PWWP3A: variants seen among roughly 807,000 people sequenced by gnomAD.
PWWP3A encodes PWWP domain containing 3A, DNA repair factor.
PWWP3A carries 53 observed loss-of-function variants against 79.0 expected under a neutral mutation model. The ratio of observed to expected loss-of-function variants is 0.67; its 90% CI spans 0.54 to 0.84. PWWP3A has a LOEUF of 0.84. PWWP3A is among the 40% of genes least tolerant of loss of function. The pLI is 0.00. For synonymous variants in PWWP3A, 443 were observed against 394.4 expected (o/e 1.12, Z -1.46); for missense variants, 973 against 948.0 (o/e 1.03, Z -0.35).
chr19:1,366,360 A>T lies in PWWP3A; in HGVS notation c.1340A>T (p.His447Leu). The change falls in exon 8 of 14, where the codon CAC becomes CTC. Residue 447 changes from histidine (H) to leucine (L), a missense_variant. His to Leu is a moderately conservative substitution (Grantham distance 99). Coordinates refer to ENST00000591337, the MANE Select transcript of PWWP3A (RefSeq NM_001369789.1). ...GCAAGTGTGCTATACATCGAAGGAC[A>T]CATGAACCCGAAAATGAAAGGGTAA... ...KKASVLYIEG[H>L]MNPKMKGFTV... is the part of the protein sequence containing the mutation. The T allele has an allele frequency of 6.2e-7, 1 of 1,614,234 alleles. No individual in the cohort carries two copies.
Position 1,360,969 on chromosome 19 carries a change from T to C in PWWP3A, c.1048T>C (p.Ser350Pro). The change falls in exon 5 of 14, where the codon TCC (serine) becomes CCC (proline). Residue 350 changes from serine (S) to proline (P), a missense_variant. Transcript: ENST00000591337. The surrounding 1 kb of genome is among the most constrained non-coding windows in gnomAD (Gnocchi z 4.4). ...CACCGCCAGGCTGGGCCCGCCTCCC[T>C]CCCACGCCTCTGCGGATGCAACCAG... ...RSTARLGPPP[S>P]HASADATRCL... 6.8e-7 allele frequency: 1 copy of C among 1,465,298 alleles called. No individual in the cohort carries two copies. Among genetic ancestry groups the C allele is most frequent in the African/African-American group, 1.4e-5 (1 of 69,418 alleles). 90.8% of individuals were successfully genotyped at this position (1,465,298 alleles called of 1,614,324 possible). A position where few individuals can be genotyped will look rare whatever the true frequency, so the allele number is the denominator to read the frequency against.
chr19:1,375,484 T>C (rs1490246452), intron 13 of PWWP3A, among the ~76,000 whole-genome samples: 1 of 88,734 alleles, frequency 1.1e-5, no homozygotes, highest in East Asian at 2.8e-4. Context: ...TTATATATTA[T>C]ATAAAATATA....
chr19:1,365,506 A>T (rs775201834), intron 7 of PWWP3A, among the ~76,000 whole-genome samples: 13 of 152,260 alleles, frequency 8.5e-5, no homozygotes, highest in Non-Finnish European at 1.9e-4. Context: ...GGCTCCTTGC[A>T]TGTGACTGAT....
Position 1,362,135 on chromosome 19 carries a change from T to G in PWWP3A, c.1112-115T>G. 7 of 777,200 alleles carry G rather than the reference T, an allele frequency of 9.0e-6. No homozygotes were observed. In the South Asian group the frequency reaches 1.4e-4, roughly 15 times the overall value. The allele number at this position is 777,200 out of a possible 1,614,324, so 48.1% of individuals were successfully genotyped here. On this transcript the variant is annotated intron_variant, in intron 5 of 13. Transcript: ENST00000591337. The stretch of plus-strand genomic sequence containing the variant: ...GAATTTGGCAGTGTGGAGTTGTGTA[T>G]AGCATGGAACCTTTTCTTTATGCAT...
Position 1,375,679 on chromosome 19 carries a change from T to TTTATATA in PWWP3A, c.2076-835_2076-834insTATTATA, listed in dbSNP as rs2082369975. On this transcript the variant is annotated intron_variant, in intron 13 of 13. Coordinates refer to ENST00000591337, the MANE Select transcript of PWWP3A (RefSeq NM_001369789.1). ...ATATATTATATATAAAATGTACAAT[T>TTTATATA]TTATAATATATAAAACAATTTAATA... Among the ~76,000 whole-genome samples the TTTATATA allele has an allele frequency of 2.8e-5, 4 of 142,042 alleles. No individual in the cohort carries two copies. In the Admixed American group the frequency reaches 2.9e-4, roughly 10 times the overall value. 93.2% of individuals were successfully genotyped at this position (142,042 alleles called of 152,430 possible).
At chr19:1,358,173 T>A (rs72981685) in intron 3 of PWWP3A, 1 of 486,440 alleles carries the variant, frequency 2.1e-6, no homozygotes, top group Non-Finnish European at 3.6e-6. Flanking sequence ...CCAGCCAACC[T>A]TTTCTGTCTT....
At position 1,369,260 on chromosome 19, in the gene PWWP3A, T is replaced by C. The variant is rs2082198339; in HGVS notation, c.1423-5T>C. On this transcript the variant is annotated splice_region_variant and splice_polypyrimidine_tract_variant and intron_variant, in intron 9 of 13. Coordinates refer to ENST00000591337, the MANE Select transcript of PWWP3A (RefSeq NM_001369789.1). This position sits in a 1 kb window ranked among gnomAD's most constrained non-coding sequence, Gnocchi z 4.0. ...CTGACGCCTGCTGCCCGGATCTCAT[T>C]GTAGAATCAAGCCAGGGAGGACTTC... The C allele has an allele frequency of 6.2e-7, 1 of 1,613,842 alleles. No homozygotes were observed. Among genetic ancestry groups the C allele is most frequent in the African/African-American group, 1.3e-5 (1 of 74,930 alleles).
At position 1,362,269 on chromosome 19, in the gene PWWP3A, G is replaced by A; in HGVS notation, c.1131G>A (p.Glu377=). The A allele has an allele frequency of 6.2e-7, 1 of 1,613,890 alleles. No homozygotes were observed. ...KLEKECQSSE[E]SMGSNSMRSI... ...TGGCAGAGTGCCAGTCTTCCGAAGAGTCCATGGGGTCTAATTCCATGCGTT... is the reference window on the plus strand; with the variant it reads ...TGGCAGAGTGCCAGTCTTCCGAAGAATCCATGGGGTCTAATTCCATGCGTT... The change falls in exon 6 of 14, where the codon GAG becomes GAA. Residue 377 remains glutamate (E), a synonymous_variant. Coordinates refer to ENST00000591337, the MANE Select transcript of PWWP3A (RefSeq NM_001369789.1).
At chr19:1,359,674 TGA>T in intron 4 of PWWP3A, 1 of 153,066 alleles carries the variant, frequency 6.5e-6, no homozygotes, top group South Asian at 2.1e-4. Context: ...CAGCCCACAA[TGA>T]GTCTTTTAAA....
chr19:1,371,453 A>G (rs763676066), intron 12 of PWWP3A: 3 of 696,990 alleles, frequency 4.3e-6, no homozygotes, highest in Non-Finnish European at 7.9e-6. Context: ...TTTAGTACCC[A>G]GATAAACCCA....
At chr19:1,363,868 ACTTC>A (rs759070604) in intron 6 of PWWP3A, among the ~76,000 whole-genome samples, 7 of 152,186 alleles carry the variant, frequency 4.6e-5, no homozygotes, top group African/African-American at 1.2e-4. Flanking sequence ...GGACCACGGC[ACTTC>A]CTTCCTTCCA....
chr19:1,356,474 C>A lies in PWWP3A; in HGVS notation c.57+25C>A, dbSNP rs200960840. 8.7e-6 allele frequency: 14 copies of A among 1,611,770 alleles called. No individual in the cohort carries two copies. The East Asian group carries it at 2.7e-4, about 31-fold the overall frequency. The stretch of plus-strand genomic sequence containing the variant: ...GGTGACAGCCATTATTCTGTAACTT[C>A]AGGACTTAGAAATGACTTTCGGGTG... On this transcript the variant is annotated intron_variant, in intron 2 of 13. Transcript: ENST00000591337.
chr19:1,376,942 G>A lies in PWWP3A; in HGVS notation c.*366G>A, dbSNP rs2082415719. ...GTGTGGCATCTGATATTAAACGGGAGGTTTTAAGAAGCGTCTGCCGTGATC... is the reference window on the plus strand; with the variant it reads ...GTGTGGCATCTGATATTAAACGGGAAGTTTTAAGAAGCGTCTGCCGTGATC... On this transcript the variant is annotated 3_prime_UTR_variant, in exon 14 of 14. Coordinates refer to ENST00000591337, the MANE Select transcript of PWWP3A (RefSeq NM_001369789.1). 2 of 175,576 alleles carry A rather than the reference G, an allele frequency of 1.1e-5. No individual in the cohort carries two copies. Among genetic ancestry groups the A allele is most frequent in the Admixed American group, 6.4e-5 (1 of 15,656 alleles). 10.9% of individuals were successfully genotyped at this position (175,576 alleles called of 1,614,324 possible). A position where few individuals can be genotyped will look rare whatever the true frequency, so the allele number is the denominator to read the frequency against.
At position 1,364,521 on chromosome 19, in the gene PWWP3A, T is replaced by C; in HGVS notation, c.1226T>C (p.Phe409Ser). The C allele has an allele frequency of 1.2e-6, 2 of 1,603,220 alleles. No homozygotes were observed. Among genetic ancestry groups the C allele is most frequent in the Non-Finnish European group, 1.7e-6 (2 of 1,176,964 alleles). The change falls in exon 7 of 14, where the codon TTT becomes TCT. Residue 409 changes from phenylalanine to serine, a missense_variant. By Grantham distance (155) the Phe-to-Ser change is radical. Transcript: ENST00000591337. ...RVLLYHEPRS[F>S]EVGMLVWHKH... is the part of the protein sequence containing the mutation. The stretch of plus-strand genomic sequence containing the variant: ...TCTTTAATTCTAGAACCACGTTCGT[T>C]TGAAGTAGGAATGCTAGTCTGGCAT...
At position 1,373,167 on chromosome 19, in the gene PWWP3A, C is replaced by T. The variant is rs536176920; in HGVS notation, c.2075+7C>T. 3.0e-5 allele frequency: 48 copies of T among 1,611,810 alleles called. No homozygotes were observed. The African/African-American group carries it at 3.1e-4, about 10-fold the overall frequency. On this transcript the variant is annotated splice_region_variant and intron_variant, in intron 13 of 13. Coordinates refer to ENST00000591337, the MANE Select transcript of PWWP3A (RefSeq NM_001369789.1). ...GGCCTTCGCTGAGCTACCGGTAGGC[C>T]GCTCCCGGCGCTATCTCCAGCCACT...
At chr19:1,375,593 T>G (rs1314144519) in intron 13 of PWWP3A, among the ~76,000 whole-genome samples, 3 of 134,340 alleles carry the variant, frequency 2.2e-5, no homozygotes, top group South Asian at 2.1e-4. Context: ...ATGTATAATT[T>G]TATATATTAT....
intron 13 of PWWP3A, among the ~76,000 whole-genome samples, chr19:1,375,630 ATATAT>A (rs1276917062): frequency 1.1e-4 from 3 of 27,904 alleles, no homozygotes; most frequent in East Asian, 1.0e-3. Context: ...TAACAATTTT[ATATAT>A]TATATAATAT....
At position 1,373,118 on chromosome 19, in the gene PWWP3A, C is replaced by A; in HGVS notation, c.2033C>A (p.Thr678Lys). Residue 678 changes from threonine (T) to lysine (K), a missense_variant, in exon 13 of 14, where the codon ACG becomes AAG. Coordinates refer to ENST00000591337, the MANE Select transcript of PWWP3A (RefSeq NM_001369789.1). ...ISAVDEVDYK[T>K]AEEKYIKGPS... ...GCGGTGGACGAGGTGGACTACAAGA[C>A]GGCTGAGGAGAAGTACATCAAGGGG... The A allele has an allele frequency of 6.2e-7, 1 of 1,614,226 alleles. No homozygotes were observed.
intron 11 of PWWP3A, 91 bp from the exon 12 acceptor site, chr19:1,370,551 G>T: frequency 1.7e-6 from 2 of 1,210,504 alleles, no homozygotes; most frequent in Non-Finnish European, 2.2e-6. Context: ...CCCCATCCCT[G>T]CCATGTCGCA....
Sources: gnomAD v4.1 joint callset for allele counts (sites outside exome capture counted in the v4.1 genomes callset) on GRCh38, gnomAD v4.1.1 for gene constraint, Gnocchi (gnomAD v3.1) non-coding constraint, MANE v1.5 for transcripts, NCBI Gene and HGNC (gene_info 2026-07-23, HGNC 2026-07-21) for gene names.